The following RARB variants were observed in gnomAD, a reference collection of about 807,000 sequenced individuals.
The protein encoded by RARB is HBV-activated protein.
Under a neutral mutation model 51.9 loss-of-function variants are expected in RARB, and 17 were observed. The ratio of observed to expected loss-of-function variants is 0.33; its 90% CI spans 0.22 to 0.49. The LOEUF is 0.49. RARB is among the 20% of genes least tolerant of loss of function. RARB has a pLI of 0.99. For missense variants in RARB, 369 were observed against 550.8 expected, an observed-to-expected ratio of 0.67 and a Z score of 3.30; for synonymous variants, 215 against 195.4, an observed-to-expected ratio of 1.10 and a Z score of -0.84.
chr3:25,030,082 G>C (rs1697836688), intron 2 of RARB, among the ~76,000 whole-genome samples: 1 of 152,224 alleles, frequency 6.6e-6, no homozygotes, highest in South Asian at 2.1e-4. Context: ...TGCTAGAATG[G>C]AGTCATGCAG....
chr3:25,390,839 T>C (rs1417007204), intron 5 of RARB, among the ~76,000 whole-genome samples: 1 of 152,198 alleles, frequency 6.6e-6, no homozygotes, highest in Non-Finnish European at 1.5e-5. Context: ...AAGCCCTGTA[T>C]GTCTAAAGTA....
intron 3 of RARB, among the ~76,000 whole-genome samples, chr3:25,090,844 A>C (rs551627619): frequency 4.6e-5 from 7 of 152,136 alleles, no homozygotes; most frequent in African/African-American, 1.7e-4. Context: ...CTCTTGTTCA[A>C]ACTCACACTC....
intron 3 of RARB, among the ~76,000 whole-genome samples, chr3:25,120,026 C>G (rs1020487123): frequency 3.3e-5 from 5 of 152,076 alleles, no homozygotes; most frequent in Non-Finnish European, 7.4e-5. Flanking sequence ...TTAAAATCAT[C>G]CATCACAGGA....
chr3:25,327,064 C>A (rs1001441502), intron 5 of RARB, among the ~76,000 whole-genome samples: 1 of 152,024 alleles, frequency 6.6e-6, no homozygotes, highest in Non-Finnish European at 1.5e-5. Context: ...TGTTCAATTC[C>A]CACCTATAAG....
At chr3:25,435,811 G>C (rs1242849027) in intron 1 of RARB, among the ~76,000 whole-genome samples, 1 of 152,092 alleles carries the variant, frequency 6.6e-6, no homozygotes, top group Non-Finnish European at 1.5e-5. Context: ...TTCACATAGT[G>C]CACTGGTTAC....
At chr3:25,442,478 T>A (rs1241920417) in intron 1 of RARB, among the ~76,000 whole-genome samples, 1 of 152,234 alleles carries the variant, frequency 6.6e-6, no homozygotes, top group Non-Finnish European at 1.5e-5. Flanking sequence ...TAGCCACACA[T>A]GGCTAGTGGC....
chr3:25,396,180 G>T (rs1361354851), intron 5 of RARB, among the ~76,000 whole-genome samples: 1 of 152,176 alleles, frequency 6.6e-6, no homozygotes, highest in Non-Finnish European at 1.5e-5. Flanking sequence ...CTTATAATGG[G>T]GAGGGTCTGT....
chr3:25,208,734 A>G (rs548663294), intron 5 of RARB, among the ~76,000 whole-genome samples: 1 of 152,110 alleles, frequency 6.6e-6, no homozygotes, highest in African/African-American at 2.4e-5. Context: ...TCTTAAAGCA[A>G]TGAGATCTCA....
intron 1 of RARB, among the ~76,000 whole-genome samples, chr3:24,854,405 C>T (rs1702606663): frequency 6.6e-6 from 1 of 152,210 alleles, no homozygotes; most frequent in Non-Finnish European, 1.5e-5. Flanking sequence ...CTATACTGTA[C>T]CACATTCTAT....
chr3:25,114,731 C>G (rs555517057), intron 3 of RARB, among the ~76,000 whole-genome samples: 2 of 152,264 alleles, frequency 1.3e-5, no homozygotes, highest in Admixed American at 1.3e-4. Context: ...AGGTTGCTGT[C>G]GGAACACCTT....
intron 5 of RARB, among the ~76,000 whole-genome samples, chr3:25,295,698 A>C (rs561018788): frequency 6.6e-6 from 1 of 152,194 alleles, no homozygotes; most frequent in African/African-American, 2.4e-5. Context: ...TCGATATGTC[A>C]GTGGCCCACT....
At chr3:25,017,673 A>C (rs1425441530) in intron 2 of RARB, among the ~76,000 whole-genome samples, 1 of 152,186 alleles carries the variant, frequency 6.6e-6, no homozygotes, top group Non-Finnish European at 1.5e-5. Context: ...TTTTTCTCTT[A>C]AGGTAGACTA....
chr3:25,181,663 A>G (rs1700864420), intron 5 of RARB, among the ~76,000 whole-genome samples: 1 of 152,202 alleles, frequency 6.6e-6, no homozygotes, highest in African/African-American at 2.4e-5. Context: ...ATAAATTATG[A>G]TGAACTGATC....
intron 2 of RARB, among the ~76,000 whole-genome samples, chr3:24,875,051 C>T (rs1448969217): frequency 6.6e-6 from 1 of 152,014 alleles, no homozygotes; most frequent in Non-Finnish European, 1.5e-5. Context: ...AAATCTCTTG[C>T]AAATTTATAT....
At chr3:25,293,755 G>A (rs938248121) in intron 5 of RARB, among the ~76,000 whole-genome samples, 7 of 152,096 alleles carry the variant, frequency 4.6e-5, no homozygotes, top group African/African-American at 1.7e-4. Context: ...GGCTAAAAAG[G>A]TGGTATGTGT....
At chr3:24,953,510 C>T (rs1387196204) in intron 2 of RARB, among the ~76,000 whole-genome samples, 4 of 152,132 alleles carry the variant, frequency 2.6e-5, no homozygotes, top group Admixed American at 1.3e-4. Flanking sequence ...ATTGTGTTCA[C>T]CTCAGGCGAC....
chr3:25,100,672 A>C (rs1291550184), intron 3 of RARB, among the ~76,000 whole-genome samples: 1 of 152,140 alleles, frequency 6.6e-6, no homozygotes, highest in Admixed American at 6.5e-5. Context: ...TTATTGTCTT[A>C]TCTAATTGTA....
chr3:25,331,008 C>T (rs1189455702), intron 5 of RARB, among the ~76,000 whole-genome samples: 1 of 152,128 alleles, frequency 6.6e-6, no homozygotes, highest in Admixed American at 6.5e-5. Flanking sequence ...AATACAGGAG[C>T]ACCCAGATTC....
intron 2 of RARB, among the ~76,000 whole-genome samples, chr3:25,486,978 C>G (rs1575450204): frequency 1.3e-5 from 2 of 152,180 alleles, no homozygotes; most frequent in East Asian, 3.8e-4. Flanking sequence ...ATGATGACCT[C>G]TGATTTACAT....
Sources: gnomAD v4.1 joint callset for allele counts (sites outside exome capture counted in the v4.1 genomes callset) on GRCh38, gnomAD v4.1.1 for gene constraint, MANE v1.5 for transcripts, NCBI Gene and HGNC (gene_info 2026-07-23, HGNC 2026-07-21) for gene names.